Variants in URB1 observed in about 807,000 individuals in gnomAD.
The protein encoded by URB1 is nucleolar pre-ribosomal-associated protein 1.
A neutral mutation model predicts 242.3 loss-of-function variants in URB1; 197 were observed. That is an observed-to-expected ratio of 0.81 (90% CI 0.72 to 0.91). URB1 has a LOEUF of 0.91. Among genes scored for constraint, URB1 ranks in the 40% least tolerant of loss-of-function variants. The probability of loss-of-function intolerance (pLI) is 0.00; values close to 1 mark genes in which losing one functional copy is unlikely to be tolerated. For missense variants in URB1, 2,721 were observed against 2,860.5 expected, an observed-to-expected ratio of 0.95 and a Z score of 1.11; for synonymous variants, 1,153 against 1,201.8, an observed-to-expected ratio of 0.96 and a Z score of 0.84.
rs187171491 is a variant in URB1 at position 32,331,413 on chromosome 21, T to C, written c.4960+1904A>G. Among the ~76,000 whole-genome samples, 26 of 152,346 alleles carry C rather than the reference T, an allele frequency of 1.7e-4. No homozygotes were observed. The East Asian group carries it at 4.4e-3, about 26-fold the overall frequency. ...GGCAAGATGGAGTAGACATGCTTTT[T>C]CCTATTCTTCCTATCAAGTAGAACT... On this transcript the variant is annotated intron_variant, in intron 30 of 38. Coordinates refer to ENST00000382751, the MANE Select transcript of URB1 (RefSeq NM_014825.3).
chr21:32,312,221 T>C lies in URB1; in HGVS notation c.*2697A>G, dbSNP rs1601112681. ...CTGAGTTTATTGAGCACACCTAGCC[T>C]GCTTGCTTACTGCTTATATTTGCTC... On this transcript the variant is annotated 3_prime_UTR_variant, in exon 39 of 39. Coordinates refer to ENST00000382751, the MANE Select transcript of URB1 (RefSeq NM_014825.3). 6.9e-7 allele frequency: 1 copy of C among 1,449,384 alleles called. No homozygotes were observed. The highest frequency in any genetic ancestry group is 2.5e-5 in the East Asian group (1 of 39,730). The allele number at this position is 1,449,384 out of a possible 1,614,324, so 89.8% of individuals were successfully genotyped here. A position where few individuals can be genotyped will look rare whatever the true frequency, so the allele number is the denominator to read the frequency against.
In URB1 at chr21:32,384,305, C is replaced by T. The variant is rs752608196; in HGVS notation, c.434+8G>A. 6.5e-7 allele frequency: 1 copy of T among 1,549,104 alleles called. No individual in the cohort carries two copies. Among genetic ancestry groups the T allele is most frequent in the South Asian group, 1.2e-5 (1 of 83,980 alleles). Reference sequence around the variant, plus strand: ...CCATCCTTTGTCACACCAAGGCAGACTGCCTACCTGTAACCTGAGGCATAC... The same window carrying T: ...CCATCCTTTGTCACACCAAGGCAGATTGCCTACCTGTAACCTGAGGCATAC... On this transcript the variant is annotated splice_region_variant and intron_variant, in intron 3 of 38. Coordinates refer to ENST00000382751, the MANE Select transcript of URB1 (RefSeq NM_014825.3).
In URB1 at chr21:32,319,309, G is replaced by A; in HGVS notation, c.5700C>T (p.Cys1900=). The change falls in exon 36 of 39, where the codon TGC becomes TGT. Residue 1900 remains cysteine (C), a synonymous_variant. Coordinates refer to ENST00000382751, the MANE Select transcript of URB1 (RefSeq NM_014825.3). ...TGGCAGGCTCCTGGGAGCTAGGCTGGCAAAGGCGCTGGCTCTCCCACTCCA... is the reference window on the plus strand; with the variant it reads ...TGGCAGGCTCCTGGGAGCTAGGCTGACAAAGGCGCTGGCTCTCCCACTCCA... ...KAVEWESQRL[C]QPSSQEPAKR... 1 of 1,551,322 alleles carries A rather than the reference G, an allele frequency of 6.4e-7. No homozygotes were observed. Among genetic ancestry groups the A allele is most frequent in the Non-Finnish European group, 8.7e-7 (1 of 1,146,820 alleles).
In URB1 at chr21:32,361,968, T is replaced by C; in HGVS notation, c.1563A>G (p.Gln521=). ...VVWVWQSLKK[Q]ETKQDDKKGQ... ...CTTTCTTGTCATCCTGTTTGGTCTC[T>C]TGCTTTTTAAGTGACTGCCAGACCC... The change falls in exon 12 of 39, where the codon CAA becomes CAG. Residue 521 remains glutamine (Q), a synonymous_variant. Transcript: ENST00000382751. 4 of 1,551,628 alleles carry C rather than the reference T, an allele frequency of 2.6e-6. No individual in the cohort carries two copies. The highest frequency in any genetic ancestry group is 1.4e-5 in the African/African-American group (1 of 73,180).
intron 26 of URB1, among the ~76,000 whole-genome samples, chr21:32,338,367 A>G (rs2032986866): frequency 1.3e-5 from 2 of 151,984 alleles, no homozygotes; most frequent in South Asian, 4.2e-4. Flanking sequence ...CAACTAATCA[A>G]TTTCTCTCAG....
intron 34 of URB1, among the ~76,000 whole-genome samples, chr21:32,321,216 C>T (rs768475516): frequency 5.9e-5 from 9 of 152,248 alleles, no homozygotes; most frequent in South Asian, 2.1e-4. Flanking sequence ...AAGCTGACTA[C>T]GCTAGAAATT....
At chr21:32,353,849 C>A in intron 18 of URB1, 84 bp downstream of exon 18, 1 of 1,445,578 alleles carries the variant, frequency 6.9e-7, no homozygotes, top group East Asian at 2.5e-5. Flanking sequence ...GCAATTGATC[C>A]CAGAGCCCCT....
chr21:32,322,407 C>T, intron 33 of URB1, 71 bp downstream of exon 33: 1 of 1,364,132 alleles, frequency 7.3e-7, no homozygotes, highest in Middle Eastern at 1.8e-4. Flanking sequence ...GGGGAAATGT[C>T]AGAATGACAA....
chr21:32,347,685 G>T lies in URB1; in HGVS notation c.3139C>A (p.His1047Asn). 1 of 1,551,472 alleles carries T rather than the reference G, an allele frequency of 6.4e-7. No homozygotes were observed. Among genetic ancestry groups the T allele is most frequent in the Non-Finnish European group, 8.7e-7 (1 of 1,147,008 alleles). ...AGCTGAAGGACCCCTGCACTAAAGTGGGTGGCCAGGAGCTTCACGAGGACA... is the reference window on the plus strand; with the variant it reads ...AGCTGAAGGACCCCTGCACTAAAGTTGGTGGCCAGGAGCTTCACGAGGACA... ...SPVLVKLLAT[H>N]FSAGVLQLLA... is the part of the protein sequence containing the mutation. Residue 1047 changes from histidine (H) to asparagine (N), a missense_variant, in exon 22 of 39, where the codon CAC becomes AAC. By Grantham distance (68) the His-to-Asn change is moderately conservative (BLOSUM62 1). Coordinates refer to ENST00000382751, the MANE Select transcript of URB1 (RefSeq NM_014825.3).
chr21:32,377,435 T>C (rs1372300048), intron 5 of URB1: 1 of 397,024 alleles, frequency 2.5e-6, no homozygotes, highest in Middle Eastern at 3.7e-4. Flanking sequence ...TGTCACTGAA[T>C]AAAAGGCCAG....
intron 32 of URB1, among the ~76,000 whole-genome samples, chr21:32,322,969 T>C (rs2032785608): frequency 6.6e-6 from 1 of 152,172 alleles, no homozygotes. Context: ...AGCTTCTAAC[T>C]GAAAGGAACC....
chr21:32,384,575 A>G, intron 2 of URB1, 111 bp from the exon 3 acceptor site: 1 of 1,367,386 alleles, frequency 7.3e-7, no homozygotes, highest in African/African-American at 1.5e-5. Context: ...AGCCTTCAAC[A>G]TGCAGGATGA....
chr21:32,361,205 AAATAGCTTGAATT>A, intron 12 of URB1, 82 bp from the exon 13 acceptor site: 1,506 of 917,992 alleles, frequency 1.6e-3, no homozygotes, highest in Non-Finnish European at 2.1e-3. Flanking sequence ...GAAAGAAAGA[AAATAGCTTGAATT>A]AGAAAACATA....
At position 32,352,710 on chromosome 21, in the gene URB1, C is replaced by T; in HGVS notation, c.2613G>A (p.Trp871Ter). ...LWIPEQAREA[W>*]LLQAQGSPSP... ...GACCACAGCTGTGGCTGCAGCTCAC[C>T]CAGGCCTCTCGGGCTTGCTCCGGGA... Residue 871 changes from tryptophan (W) to a stop codon, truncating the protein, a stop_gained and splice_region_variant, in exon 19 of 39, where the codon TGG becomes TGA. Transcript: ENST00000382751. LOFTEE classifies it high-confidence loss of function. The T allele has an allele frequency of 6.4e-7, 1 of 1,550,978 alleles. No individual in the cohort carries two copies. The highest frequency in any genetic ancestry group is 2.0e-5 in the Admixed American group (1 of 51,000).
At position 32,350,712 on chromosome 21, in the gene URB1, A is replaced by C. The variant is rs2033146916; in HGVS notation, c.2824T>G (p.Phe942Val). 2 of 1,551,048 alleles carry C rather than the reference A, an allele frequency of 1.3e-6. No homozygotes were observed. Among genetic ancestry groups the C allele is most frequent in the Non-Finnish European group, 1.7e-6 (2 of 1,146,642 alleles). ...ATGGGGGCAACGCTGACCTGGCCGA[A>C]GTTCTCCACAGTGCTCCGCAGGTAG... ...LLYLRSTVEN[F>V]GQLGRSVGPP... The change falls in exon 20 of 39, where the codon TTC (phenylalanine) becomes GTC (valine). Residue 942 changes from phenylalanine to valine, a missense_variant. Transcript: ENST00000382751.
intron 15 of URB1, 30 bp from the exon 16 acceptor site, chr21:32,355,595 T>C (rs374404103): frequency 2.8e-5 from 43 of 1,523,928 alleles, no homozygotes; most frequent in Non-Finnish European, 3.7e-5. Flanking sequence ...GGTGAAAAAG[T>C]CAGAACAGAA....
At position 32,337,096 on chromosome 21, in the gene URB1, G is replaced by A; in HGVS notation, c.4683C>T (p.Phe1561=). Residue 1561 remains phenylalanine (F), a splice_region_variant and synonymous_variant, in exon 28 of 39, where the codon TTC becomes TTT. Coordinates refer to ENST00000382751, the MANE Select transcript of URB1 (RefSeq NM_014825.3). ...TCTACCTCTAGCCCAACACTCACCT[G>A]AAGTTGATGAGGCTGAGCTTGTTCT... ...YEQNKLSLIN[F]RVLLWGPAAV... 2 of 1,551,846 alleles carry A rather than the reference G, an allele frequency of 1.3e-6. No homozygotes were observed. Among genetic ancestry groups the A allele is most frequent in the Non-Finnish European group, 1.7e-6 (2 of 1,147,006 alleles).
At chr21:32,337,263 A>G in intron 27 of URB1, 106 bp from the exon 28 acceptor site, 1 of 1,370,732 alleles carries the variant, frequency 7.3e-7, no homozygotes, top group African/African-American at 1.4e-5. Flanking sequence ...CCCGGTCCTC[A>G]TATCTTCACC....
In URB1 at chr21:32,366,749, C is replaced by A; in HGVS notation, c.1204G>T (p.Glu402Ter). ...GCCCGGGAAATCTCCGGCTGAGCCT[C>A]ATAGATCTAGGAAAAGCAAAAAAGA... is the stretch of plus-strand genomic sequence containing the variant. ...NNIKLLNKIY[E>*]AQPEISRAFQ... Residue 402 changes from glutamate (E) to a stop codon, truncating the protein, a stop_gained, in exon 10 of 39, where the codon GAG becomes TAG. Coordinates refer to ENST00000382751, the MANE Select transcript of URB1 (RefSeq NM_014825.3). LOFTEE classifies it high-confidence loss of function. The A allele has an allele frequency of 6.4e-7, 1 of 1,551,514 alleles. No individual in the cohort carries two copies. Among genetic ancestry groups the A allele is most frequent in the Non-Finnish European group, 8.7e-7 (1 of 1,146,898 alleles).
Sources: allele counts gnomAD v4.1 joint callset (sites outside exome capture counted in the v4.1 genomes callset), GRCh38; gene constraint gnomAD v4.1.1; transcripts MANE v1.5; gene names NCBI Gene and HGNC (gene_info 2026-07-23, HGNC 2026-07-21).